MUC17: variants seen among roughly 807,000 people sequenced by gnomAD.
MUC17 encodes mucin 17, cell surface associated, also known as mucin-17.
Under a neutral mutation model 170.3 loss-of-function variants are expected in MUC17, and 190 were observed. That is an observed-to-expected ratio of 1.12 (90% confidence interval 0.99 to 1.26). The LOEUF (loss-of-function observed/expected upper bound fraction) is 1.26, where lower values mean the gene tolerates loss of function less well. Among genes scored for constraint, MUC17 ranks in the 50% most tolerant of loss-of-function variants. MUC17 has a pLI of 0.00. For synonymous variants in MUC17, 2,325 were observed against 2,002.5 expected, an observed-to-expected ratio of 1.16 and a Z score of -4.30; for missense variants, 6,415 against 5,530.0, an observed-to-expected ratio of 1.16 and a Z score of -5.08.
At position 101,036,233 on chromosome 7, in the gene MUC17, C is replaced by A. The variant is rs755575463; in HGVS notation, c.4817C>A (p.Ala1606Asp). The A allele has an allele frequency of 1.7e-5, 27 of 1,614,024 alleles. No individual in the cohort carries two copies. Among genetic ancestry groups the A allele is most frequent in the South Asian group, 2.2e-5 (2 of 91,070 alleles). The change falls in exon 3 of 13, where the codon GCT becomes GAT. Residue 1606 changes from alanine (A) to aspartate (D), a missense_variant. Ala to Asp is a moderately radical substitution (Grantham distance 126). Coordinates refer to ENST00000306151, the MANE Select transcript of MUC17 (RefSeq NM_001040105.2). Reference protein sequence around the residue: ...TPIDSKTQVTASTEASSSTTA... With the variant: ...TPIDSKTQVTDSTEASSSTTA... ...ATTGACTCCAAAACTCAGGTGACCGCTTCTACTGAAGCCAGTTCATCTACA... is the reference window on the plus strand; with the variant it reads ...ATTGACTCCAAAACTCAGGTGACCGATTCTACTGAAGCCAGTTCATCTACA...
At position 101,040,367 on chromosome 7, in the gene MUC17, AAAG is replaced by A; in HGVS notation, c.8957_8959del (p.Arg2986del). 2 of 1,612,270 alleles carry A rather than the reference AAAG, an allele frequency of 1.2e-6. No homozygotes were observed. The highest frequency in any genetic ancestry group is 1.7e-6 in the Non-Finnish European group (2 of 1,179,452). On this transcript the variant is annotated inframe_deletion, in exon 3 of 13. Coordinates refer to ENST00000306151, the MANE Select transcript of MUC17 (RefSeq NM_001040105.2). ...AGCATGCCAATCTCAACTCCTGGCG[AAAG>A]AAGAACTCCATTAACAAGTATGTCT...
At chr7:101,026,854 A>G (rs1794189003) in intron 1 of MUC17, among the ~76,000 whole-genome samples, 1 of 152,152 alleles carries the variant, frequency 6.6e-6, no homozygotes, top group African/African-American at 2.4e-5. Flanking sequence ...ACCTGGGACT[A>G]CAGGCACGCA....
rs144198145 is a variant in MUC17, at chr7:101,048,007, A to T, written c.12427A>T (p.Thr4143Ser). Residue 4143 changes from threonine (T) to serine (S), a missense_variant, in exon 4 of 13, where the codon ACG (threonine) becomes TCG (serine). By Grantham distance (58) the Thr-to-Ser change is moderately conservative (BLOSUM62 1). Transcript: ENST00000306151. ...TTCFGDGCQN[T>S]ASRCKNGGTW... is the part of the protein sequence containing the mutation. ...AGGCTTTGGAGATGGGTGCCAGAAT[A>T]CGGCCTCTCGCTGCAAGAATGGAGG... 632 of 1,603,486 alleles carry T rather than the reference A, an allele frequency of 3.9e-4. 3 individuals carry two copies. The African/African-American group carries it at 7.4e-3, about 19-fold the overall frequency.
chr7:101,041,581 A>C lies in MUC17; in HGVS notation c.10165A>C (p.Ile3389Leu). ...LSPTTAEGTS[I>L]PTSSPSEGTT... is the part of the protein sequence containing the mutation. ...TCCTACAACTGCTGAAGGTACCAGC[A>C]TACCAACCTCAAGTCCTAGTGAAGG... The change falls in exon 3 of 13, where the codon ATA (isoleucine) becomes CTA (leucine). Residue 3389 changes from isoleucine (I) to leucine (L), a missense_variant. Transcript: ENST00000306151. The C allele has an allele frequency of 6.2e-7, 1 of 1,612,998 alleles. No individual in the cohort carries two copies. Among genetic ancestry groups the C allele is most frequent in the Non-Finnish European group, 8.5e-7 (1 of 1,179,802 alleles).
Position 101,035,926 on chromosome 7 carries a change from A to G in MUC17, c.4510A>G (p.Ile1504Val). ...SSPTPAEGTSIAISTPSEGST... is the reference protein window; with the variant it reads ...SSPTPAEGTSVAISTPSEGST... ...TCCTACACCTGCTGAAGGTACCAGC[A>G]TAGCAATCTCAACGCCTAGTGAAGG... is the stretch of plus-strand genomic sequence containing the variant. Residue 1504 changes from isoleucine to valine, a missense_variant, in exon 3 of 13, where the codon ATA (isoleucine) becomes GTA (valine). Coordinates refer to ENST00000306151, the MANE Select transcript of MUC17 (RefSeq NM_001040105.2). 1.2e-6 allele frequency: 2 copies of G among 1,613,140 alleles called. No homozygotes were observed. The highest frequency in any genetic ancestry group is 1.7e-6 in the Non-Finnish European group (2 of 1,179,554).
At position 101,036,910 on chromosome 7, in the gene MUC17, C is replaced by G. The variant is rs1794501859; in HGVS notation, c.5494C>G (p.Pro1832Ala). Reference sequence around the variant, plus strand: ...TGAGGCTAGCACCCTTTCAACAACTCCTGTTGACTCTAACAGTCCTGTGGT... The same window carrying G: ...TGAGGCTAGCACCCTTTCAACAACTGCTGTTGACTCTAACAGTCCTGTGGT... ...NSEASTLSTT[P>A]VDSNSPVVTS... Residue 1832 changes from proline (P) to alanine (A), a missense_variant, in exon 3 of 13, where the codon CCT becomes GCT. Coordinates refer to ENST00000306151, the MANE Select transcript of MUC17 (RefSeq NM_001040105.2). The G allele has an allele frequency of 9.9e-6, 16 of 1,612,764 alleles. No homozygotes were observed. The highest frequency in any genetic ancestry group is 1.4e-5 in the Non-Finnish European group (16 of 1,179,298).
chr7:101,027,189 A>G (rs1358808521), intron 1 of MUC17, among the ~76,000 whole-genome samples: 1 of 151,936 alleles, frequency 6.6e-6, no homozygotes, highest in African/African-American at 2.4e-5. Flanking sequence ...ATAAAAAGAA[A>G]TTATATTATA....
intron 1 of MUC17, among the ~76,000 whole-genome samples, chr7:101,028,983 T>A (rs1794229972): frequency 6.6e-6 from 1 of 151,692 alleles, no homozygotes; most frequent in Non-Finnish European, 1.5e-5. Flanking sequence ...AGGTCGGGAG[T>A]TCGAGACCAG....
intron 12 of MUC17, 55 bp downstream of exon 12, chr7:101,056,325 T>C: frequency 1.2e-6 from 2 of 1,602,474 alleles, no homozygotes; most frequent in South Asian, 2.2e-5. Flanking sequence ...ACTTTCTTCT[T>C]CTCCTTTCCT....
Position 101,034,280 on chromosome 7 carries a change from T to G in MUC17, c.2864T>G (p.Val955Gly), listed in dbSNP as rs1201724683. ...SATPVDTSTPVTTSTEATSSP... is the reference protein window; with the variant it reads ...SATPVDTSTPGTTSTEATSSP... ...ACTCCTGTTGACACCAGCACACCTG[T>G]GACCACTTCTACTGAAGCCACTTCA... Residue 955 changes from valine (V) to glycine (G), a missense_variant, in exon 3 of 13, where the codon GTG becomes GGG. Transcript: ENST00000306151. 6 of 1,608,968 alleles carry G rather than the reference T, an allele frequency of 3.7e-6. No homozygotes were observed. The highest frequency in any genetic ancestry group is 1.1e-5 in the South Asian group (1 of 90,158).
chr7:101,050,529 G>A lies in MUC17; in HGVS notation c.12768G>A (p.Lys4256=). The A allele has an allele frequency of 6.2e-7, 1 of 1,614,034 alleles. No individual in the cohort carries two copies. Among genetic ancestry groups the A allele is most frequent in the Non-Finnish European group, 8.5e-7 (1 of 1,179,980 alleles). Residue 4256 remains lysine (K), a synonymous_variant, in exon 7 of 13, where the codon AAG becomes AAA. Transcript: ENST00000306151. The stretch of plus-strand genomic sequence containing the variant: ...AGCATGACGTCCTCCTAAGAACCAA[G>A]TACACACCAGAATACAAGACAGTAT... ...VVEHDVLLRT[K]YTPEYKTVLD...
rs773965943 is a variant in MUC17, at chr7:101,039,983, G to A, written c.8567G>A (p.Gly2856Asp). Residue 2856 changes from glycine (G) to aspartate (D), a missense_variant, in exon 3 of 13, where the codon GGT becomes GAT. Coordinates refer to ENST00000306151, the MANE Select transcript of MUC17 (RefSeq NM_001040105.2). Reference protein sequence around the residue: ...KASSSPTTAEGIVVPISTASE... With the variant: ...KASSSPTTAEDIVVPISTASE... ...AGTTCATCTCCTACAACTGCTGAAG[G>A]TATCGTCGTGCCAATCTCAACTGCT... is the stretch of plus-strand genomic sequence containing the variant. 2.7e-5 allele frequency: 43 copies of A among 1,611,740 alleles called. No homozygotes were observed. Among genetic ancestry groups the A allele is most frequent in the Non-Finnish European group, 3.2e-5 (38 of 1,179,490 alleles).
In MUC17 at chr7:101,037,275, C is replaced by G. The variant is rs773661642; in HGVS notation, c.5859C>G (p.Thr1953=). 9 of 1,612,008 alleles carry G rather than the reference C, an allele frequency of 5.6e-6. No homozygotes were observed. The highest frequency in any genetic ancestry group is 1.7e-5 in the Admixed American group (1 of 59,944). The change falls in exon 3 of 13, where the codon ACC becomes ACG. Residue 1953 remains threonine, a synonymous_variant. Transcript: ENST00000306151. The stretch of plus-strand genomic sequence containing the variant: ...CCCTTTCAACAACTCTTGCTGACAC[C>G]AGGACACCTGTGACCACTTATTCTC... ...INTLSTTLAD[T]RTPVTTYSQA... is the part of the protein sequence containing the mutation.
At position 101,042,734 on chromosome 7, in the gene MUC17, C is replaced by T; in HGVS notation, c.11318C>T (p.Thr3773Ile). Residue 3773 changes from threonine (T) to isoleucine (I), a missense_variant, in exon 3 of 13, where the codon ACC becomes ATC. Transcript: ENST00000306151. ...GTTACGAGGTTTCCTGAGAGTAGCA[C>T]CCCTTCCATACCATCTGTTTACACC... is the stretch of plus-strand genomic sequence containing the variant. Reference protein sequence around the residue: ...TPVTRFPESSTPSIPSVYTSM... With the variant: ...TPVTRFPESSIPSIPSVYTSM... 6.2e-7 allele frequency: 1 copy of T among 1,613,902 alleles called. No homozygotes were observed. Among genetic ancestry groups the T allele is most frequent in the South Asian group, 1.1e-5 (1 of 91,086 alleles).
In MUC17 at chr7:101,038,184, A is replaced by G. The variant is rs1417186585; in HGVS notation, c.6768A>G (p.Glu2256=). 6.2e-7 allele frequency: 1 copy of G among 1,614,042 alleles called. No individual in the cohort carries two copies. Among genetic ancestry groups the G allele is most frequent in the Admixed American group, 1.7e-5 (1 of 60,002 alleles). The part of the protein sequence containing the change: ...DTSTPVTTST[E]ATSSPTTAEG... Reference sequence around the variant, plus strand: ...GCACACCTGTGACCACTTCTACTGAAGCCACTTCATCTCCTACAACTGCTG... The same window carrying G: ...GCACACCTGTGACCACTTCTACTGAGGCCACTTCATCTCCTACAACTGCTG... The change falls in exon 3 of 13, where the codon GAA becomes GAG. Residue 2256 remains glutamate (E), a synonymous_variant. Coordinates refer to ENST00000306151, the MANE Select transcript of MUC17 (RefSeq NM_001040105.2).
Position 101,020,237 on chromosome 7 carries a change from C to T in MUC17, c.82+20C>T, listed in dbSNP as rs751620706. The T allele has an allele frequency of 4.6e-5, 74 of 1,594,578 alleles. No individual in the cohort carries two copies. The highest frequency in any genetic ancestry group is 5.6e-5 in the Non-Finnish European group (66 of 1,171,346). ...AACAGGGTGAGTGACCCCCACGCCC[C>T]GCTGCCCAAGAGGCCCCCATCCCAG... is the stretch of plus-strand genomic sequence containing the variant. On this transcript the variant is annotated intron_variant, in intron 1 of 12. Coordinates refer to ENST00000306151, the MANE Select transcript of MUC17 (RefSeq NM_001040105.2).
chr7:101,025,456 A>G (rs373028983), intron 1 of MUC17, among the ~76,000 whole-genome samples: 36 of 152,126 alleles, frequency 2.4e-4, no homozygotes, highest in Middle Eastern at 6.8e-3. Flanking sequence ...TGAGGCCAGG[A>G]GTTTAAGACC....
chr7:101,056,400 AG>A, intron 12 of MUC17, 130 bp downstream of exon 12: 1 of 1,380,530 alleles, frequency 7.2e-7, no homozygotes, highest in Non-Finnish European at 9.7e-7. Context: ...TGATCCTCCC[AG>A]GTCCATACTG....
chr7:101,036,522 G>A lies in MUC17; in HGVS notation c.5106G>A (p.Val1702=). 1 of 1,610,478 alleles carries A rather than the reference G, an allele frequency of 6.2e-7. No homozygotes were observed. Among genetic ancestry groups the A allele is most frequent in the Non-Finnish European group, 8.5e-7 (1 of 1,178,046 alleles). ...GTATAACTGTCAGAACAACACCGGT[G>A]GCCAGCTCTGCAATCAGCACCCTTT... ...LTSITVRTTP[V]ASSAISTLST... Residue 1702 remains valine (V), a synonymous_variant, in exon 3 of 13, where the codon GTG becomes GTA. Coordinates refer to ENST00000306151, the MANE Select transcript of MUC17 (RefSeq NM_001040105.2).
Sources: allele counts gnomAD v4.1 joint callset (sites outside exome capture counted in the v4.1 genomes callset), GRCh38; gene constraint gnomAD v4.1.1; transcripts MANE v1.5; gene names NCBI Gene and HGNC (gene_info 2026-07-23, HGNC 2026-07-21).